Variants in PROM1 observed in about 807,000 individuals in gnomAD.
PROM1 encodes the protein prominin 1.
In PROM1, 105 loss-of-function variants were observed where a neutral mutation model predicts 116.9. The observed-to-expected ratio is 0.90, with a 90% confidence interval of 0.77 to 1.06. The LOEUF is 1.06. PROM1 is among the 50% of genes least tolerant of loss of function. PROM1 has a pLI of 0.00. For synonymous variants in PROM1, 393 were observed against 387.0 expected (o/e 1.02, Z -0.18); for missense variants, 1,122 against 1,045.2 (o/e 1.07, Z -1.01).
At chr4:15,997,719 C>A (rs1438061675) in intron 15 of PROM1, among the ~76,000 whole-genome samples, 3 of 152,184 alleles carry the variant, frequency 2.0e-5, no homozygotes, top group Admixed American at 2.0e-4. Flanking sequence ...CCTGCCTCAG[C>A]CTCCCAAAGT....
At chr4:16,074,157 A>T (rs1362517065) in intron 2 of PROM1, among the ~76,000 whole-genome samples, 1 of 152,212 alleles carries the variant, frequency 6.6e-6, no homozygotes, top group Non-Finnish European at 1.5e-5. Context: ...CTGATAGCAC[A>T]ACAGGATGAC....
At chr4:15,986,190 G>C (rs1560408237) in intron 20 of PROM1, among the ~76,000 whole-genome samples, 153 bp from the exon 21 acceptor site, 2 of 152,168 alleles carry the variant, frequency 1.3e-5, no homozygotes, top group Non-Finnish European at 2.9e-5. Context: ...CCAGGCCCCT[G>C]AGGGCAGGGA....
chr4:16,031,325 T>A (rs11730129), intron 5 of PROM1, among the ~76,000 whole-genome samples: 1 of 151,718 alleles, frequency 6.6e-6, no homozygotes, highest in Non-Finnish European at 1.5e-5. Flanking sequence ...TAGACAAATG[T>A]GGCGTGTAAG....
At chr4:16,022,351 C>T (rs1301729998) in intron 8 of PROM1, among the ~76,000 whole-genome samples, 2 of 152,006 alleles carry the variant, frequency 1.3e-5, no homozygotes, top group African/African-American at 2.4e-5. Flanking sequence ...GGATGTTGTT[C>T]GTGATGTTAT....
At chr4:16,044,240 C>T (rs918338328) in intron 2 of PROM1, among the ~76,000 whole-genome samples, 3 of 152,208 alleles carry the variant, frequency 2.0e-5, no homozygotes, top group Non-Finnish European at 4.4e-5. Flanking sequence ...TCTCTGAATA[C>T]ATATGTAGAT....
intron 23 of PROM1, among the ~76,000 whole-genome samples, chr4:15,983,457 T>C (rs1718475501): frequency 6.6e-6 from 1 of 152,172 alleles, no homozygotes; most frequent in Non-Finnish European, 1.5e-5. Flanking sequence ...ACCATTGTGT[T>C]ACCAGACCTG....
chr4:16,058,100 A>G (rs1739462077), intron 2 of PROM1, among the ~76,000 whole-genome samples: 1 of 152,192 alleles, frequency 6.6e-6, no homozygotes, highest in Non-Finnish European at 1.5e-5. Flanking sequence ...GACATAATCA[A>G]CAAATGCCTC....
Position 15,992,338 on chromosome 4 carries a change from GAT to G in PROM1, c.1819_1820del (p.Ile607LeufsTer25). The G allele has an allele frequency of 6.2e-7, 1 of 1,613,922 alleles. No individual in the cohort carries two copies. On this transcript the variant is annotated frameshift_variant, in exon 17 of 28. Transcript: ENST00000447510. LOFTEE classifies it high-confidence loss of function. ...TTCTTCCTGCTGCACCCAACAGAAA[GAT>G]ATTAAGATTTACCTTCAGACTTTCC... is the stretch of plus-strand genomic sequence containing the variant. ...ELESLKVNLN[I>X]FLLGAAGRKN...
intron 3 of PROM1, 74 bp downstream of exon 3, chr4:16,038,872 A>G (rs1033471341): frequency 2.8e-5 from 38 of 1,365,936 alleles, no homozygotes; most frequent in Non-Finnish European, 3.7e-5. Flanking sequence ...TTATTTAAAG[A>G]TTTACTTTCA....
chr4:16,044,679 T>C (rs950057886), intron 2 of PROM1, among the ~76,000 whole-genome samples: 3 of 152,216 alleles, frequency 2.0e-5, no homozygotes, highest in Admixed American at 6.5e-5. Context: ...ATTTAGAGAC[T>C]TGCAGAAACT....
intron 2 of PROM1, among the ~76,000 whole-genome samples, chr4:16,067,059 T>C (rs540362248): frequency 6.6e-6 from 1 of 152,140 alleles, no homozygotes; most frequent in Non-Finnish European, 1.5e-5. Flanking sequence ...AGATTAGAAG[T>C]ATCTATTATA....
intron 11 of PROM1, among the ~76,000 whole-genome samples, chr4:16,011,072 G>A (rs998362824): frequency 6.6e-6 from 1 of 152,058 alleles, no homozygotes; most frequent in African/African-American, 2.4e-5. Context: ...CAGCTCCTAG[G>A]GCCCCTGCCT....
At chr4:16,014,471 C>G (rs1340169828) in intron 10 of PROM1, among the ~76,000 whole-genome samples, 1 of 152,130 alleles carries the variant, frequency 6.6e-6, no homozygotes, top group African/African-American at 2.4e-5. Context: ...GTGCAAAGAC[C>G]AAGAAATTTG....
Position 16,075,966 on chromosome 4 carries a change from G to A in PROM1, c.-60C>T. 1.3e-6 allele frequency: 2 copies of A among 1,507,108 alleles called. No individual in the cohort carries two copies. Among genetic ancestry groups the A allele is most frequent in the Non-Finnish European group, 1.8e-6 (2 of 1,125,544 alleles). The allele number at this position is 1,507,108 out of a possible 1,614,324, so 93.4% of individuals were successfully genotyped here. ...TGGTGCCTCCTGCCTCAGAGCTTCT[G>A]GAAGCCTTGGGGAAGGCAAGCGTGT... On this transcript the variant is annotated 5_prime_UTR_variant, in exon 2 of 28. Transcript: ENST00000447510.
At chr4:15,970,223 T>G (rs1255088568) in intron 27 of PROM1, among the ~76,000 whole-genome samples, 1 of 150,960 alleles carries the variant, frequency 6.6e-6, no homozygotes, top group Non-Finnish European at 1.5e-5. Context: ...TGGAGTGCAG[T>G]GGTGTGATCT....
chr4:16,021,645 G>A (rs1338934642), intron 8 of PROM1, among the ~76,000 whole-genome samples: 1 of 152,128 alleles, frequency 6.6e-6, no homozygotes, highest in Non-Finnish European at 1.5e-5. Flanking sequence ...CATCATCTGG[G>A]GCCATGTGAG....
At chr4:15,997,436 G>A (rs180983167) in intron 15 of PROM1, among the ~76,000 whole-genome samples, 2 of 148,352 alleles carry the variant, frequency 1.3e-5, no homozygotes, top group East Asian at 4.4e-4. Context: ...GTCAGGAGTT[G>A]TTATATATAT....
intron 2 of PROM1, among the ~76,000 whole-genome samples, chr4:16,052,649 GT>G (rs1049477359): frequency 3.9e-5 from 6 of 152,086 alleles, no homozygotes; most frequent in African/African-American, 1.4e-4. Context: ...CCTGGCTAAT[GT>G]TTGTATTTTT....
chr4:16,062,127 C>T (rs992082352), intron 2 of PROM1, among the ~76,000 whole-genome samples: 8 of 152,006 alleles, frequency 5.3e-5, no homozygotes, highest in Admixed American at 2.0e-4. Flanking sequence ...CTCCTGACTT[C>T]GTGACCACCC....
Sources: gnomAD v4.1 joint callset for allele counts (sites outside exome capture counted in the v4.1 genomes callset) on GRCh38, gnomAD v4.1.1 for gene constraint, MANE v1.5 for transcripts, NCBI Gene and HGNC (gene_info 2026-07-23, HGNC 2026-07-21) for gene names.